KRT75: variants seen among roughly 807,000 people sequenced by gnomAD.
KRT75 encodes the protein keratin 75.
Under a neutral mutation model 48.8 loss-of-function variants are expected in KRT75, and 35 were observed. The ratio of observed to expected loss-of-function variants is 0.72; its 90% confidence interval spans 0.55 to 0.95. KRT75 has a LOEUF of 0.95. Ranked by LOEUF, KRT75 falls within the 40% of genes least tolerant of loss-of-function variation. The probability of loss-of-function intolerance (pLI) is 0.00; values close to 1 mark genes in which losing one functional copy is unlikely to be tolerated. For synonymous variants in KRT75, 301 were observed against 282.3 expected, an observed-to-expected ratio of 1.07 and a Z score of -0.66; for missense variants, 776 against 709.9, an observed-to-expected ratio of 1.09 and a Z score of -1.06.
At chr12:52,431,854 G>A (rs1036685177) in intron 3 of KRT75, 152 bp downstream of exon 3, 21 of 823,222 alleles carry the variant, frequency 2.6e-5, no homozygotes, top group Non-Finnish European at 3.9e-5. Context: ...GGCCATCAAC[G>A]TAGAGGGAAC....
chr12:52,425,107 G>T (rs1349591904), intron 8 of KRT75, among the ~76,000 whole-genome samples: 1 of 149,642 alleles, frequency 6.7e-6, no homozygotes, highest in Non-Finnish European at 1.5e-5. Flanking sequence ...CTTCCTTCTG[G>T]ATGCTTATGG....
At chr12:52,426,720 C>G in intron 8 of KRT75, 97 bp downstream of exon 8, 2 of 1,255,452 alleles carry the variant, frequency 1.6e-6, no homozygotes, top group South Asian at 2.4e-5. Context: ...GAGATCCCGT[C>G]TAACCCGTCA....
intron 7 of KRT75, among the ~76,000 whole-genome samples, 157 bp from the exon 8 acceptor site, chr12:52,427,008 T>G (rs1592162307): frequency 6.6e-6 from 1 of 152,262 alleles, no homozygotes; most frequent in Non-Finnish European, 1.5e-5. Flanking sequence ...TGAGAACTAG[T>G]AGTATTAAAG....
chr12:52,424,493 G>A lies in KRT75; in HGVS notation c.*24C>T, dbSNP rs1450122838. On this transcript the variant is annotated 3_prime_UTR_variant, in exon 9 of 9. Transcript: ENST00000252245. ...TGACTGCAAACAGGCCTCAAGGCAG[G>A]GTAGAGGGAGCCATGGGGCTCTCTT... The A allele has an allele frequency of 1.9e-5, 31 of 1,599,040 alleles. No individual in the cohort carries two copies. The highest frequency in any genetic ancestry group is 2.5e-5 in the Non-Finnish European group (29 of 1,166,296).
In KRT75 at chr12:52,432,194, G is replaced by T. The variant is rs1940154350; in HGVS notation, c.714-128C>A. On this transcript the variant is annotated intron_variant, in intron 2 of 8. Transcript: ENST00000252245. ...TTCTGCTGACCTGGGCATGACTTTG[G>T]GTGATTCATTTAACCTCTATTTCTC... The T allele has an allele frequency of 4.8e-6, 4 of 838,920 alleles. No individual in the cohort carries two copies. In the Admixed American group the frequency reaches 8.4e-5, roughly 18 times the overall value. 52.0% of individuals were successfully genotyped at this position (838,920 alleles called of 1,614,324 possible). A position where few individuals can be genotyped will look rare whatever the true frequency, so the allele number is the denominator to read the frequency against.
At chr12:52,433,452 G>C (rs1351061311) in intron 1 of KRT75, among the ~76,000 whole-genome samples, 200 bp from the exon 2 acceptor site, 1 of 147,390 alleles carries the variant, frequency 6.8e-6, no homozygotes, top group African/African-American at 2.7e-5. Context: ...GGATTCGGGT[G>C]GTGGGGCCTA....
intron 2 of KRT75, among the ~76,000 whole-genome samples, chr12:52,432,429 G>A (rs887814215): frequency 6.6e-6 from 1 of 152,142 alleles, no homozygotes; most frequent in African/African-American, 2.4e-5. Context: ...GGCTGTTTCG[G>A]GTAGATTTTG....
At chr12:52,432,186 T>C in intron 2 of KRT75, 120 bp from the exon 3 acceptor site, 1 of 870,948 alleles carries the variant, frequency 1.1e-6, no homozygotes, top group Non-Finnish European at 1.9e-6. Flanking sequence ...GACCTGGGCA[T>C]GACTTTGGGT....
chr12:52,432,011 T>G lies in KRT75; in HGVS notation c.769A>C (p.Lys257Gln), dbSNP rs1220037618. 6.2e-7 allele frequency: 1 copy of G among 1,614,202 alleles called. No individual in the cohort carries two copies. Among genetic ancestry groups the G allele is most frequent in the African/African-American group, 1.3e-5 (1 of 75,060 alleles). Residue 257 changes from lysine to glutamine, a missense_variant, in exon 3 of 9, where the codon AAA becomes CAA. By Grantham distance (53) the Lys-to-Gln change is moderately conservative (BLOSUM62 1). Transcript: ENST00000252245. ...TAAENEFVAL[K>Q]KDVDAAYMNK... ...AGAGAAACATCCCCACTCACCTTTT[T>G]CAGGGCTACAAATTCATTCTCAGCA... is the stretch of plus-strand genomic sequence containing the variant.
In KRT75 at chr12:52,433,099, T is replaced by G. The variant is rs769701121; in HGVS notation, c.652A>C (p.Arg218=). 2 of 1,613,802 alleles carry G rather than the reference T, an allele frequency of 1.2e-6. No individual in the cohort carries two copies. Among genetic ancestry groups the G allele is most frequent in the Non-Finnish European group, 8.5e-7 (1 of 1,179,940 alleles). Residue 218 remains arginine (R), a synonymous_variant, in exon 2 of 9, where the codon AGG becomes CGG. Coordinates refer to ENST00000252245, the MANE Select transcript of KRT75 (RefSeq NM_004693.3). The part of the protein sequence containing the change: ...RRQLESITTE[R]GRLEAELRNM... ...CTCAGTTCAGCTTCAAGCCTGCCCC[T>G]CTCGGTGGTGATGCTTTCCAGCTGC...
intron 8 of KRT75, among the ~76,000 whole-genome samples, chr12:52,426,567 C>A (rs1332549112): frequency 1.3e-5 from 2 of 152,206 alleles, no homozygotes; most frequent in Non-Finnish European, 2.9e-5. Context: ...CCACTCAGAA[C>A]AATGACATCA....
At chr12:52,431,780 G>A in intron 3 of KRT75, 142 bp from the exon 4 acceptor site, 1 of 790,864 alleles carries the variant, frequency 1.3e-6, no homozygotes. Flanking sequence ...TTGGGGATGG[G>A]TAATTACGGA....
chr12:52,433,102 C>A lies in KRT75; in HGVS notation c.649G>T (p.Glu217Ter). ...LRRQLESITT[E>*]RGRLEAELRN... ...AGTTCAGCTTCAAGCCTGCCCCTCT[C>A]GGTGGTGATGCTTTCCAGCTGCCGT... is the stretch of plus-strand genomic sequence containing the variant. The change falls in exon 2 of 9, where the codon GAG (glutamate) becomes TAG (stop). Residue 217 changes from glutamate (E) to a stop codon, truncating the protein, a stop_gained. Transcript: ENST00000252245. LOFTEE classifies it high-confidence loss of function. The A allele has an allele frequency of 6.2e-7, 1 of 1,614,052 alleles. No individual in the cohort carries two copies. The highest frequency in any genetic ancestry group is 8.5e-7 in the Non-Finnish European group (1 of 1,180,018).
chr12:52,433,142 A>G lies in KRT75; in HGVS notation c.609T>C (p.Tyr203=), dbSNP rs751156472. The G allele has an allele frequency of 1.2e-5, 19 of 1,612,526 alleles. No individual in the cohort carries two copies. In the Middle Eastern group the frequency reaches 4.9e-4, roughly 42 times the overall value. ...RQNLEPLFDS[Y]TSELRRQLES... ...CCAGCTGCCGTCGGAGCTCACTGGT[A>G]TAGGAATCAAAGAGGGGCTCTAGGT... The change falls in exon 2 of 9, where the codon TAT becomes TAC. Residue 203 remains tyrosine, a synonymous_variant. Coordinates refer to ENST00000252245, the MANE Select transcript of KRT75 (RefSeq NM_004693.3).
chr12:52,428,617 C>G lies in KRT75; in HGVS notation c.1161+1G>C. The stretch of plus-strand genomic sequence containing the variant: ...AGCTCTTGGCCCTGCCAAATCTTTA[C>G]CTGCTTCTTGACGCTGTCAATCTCA... On this transcript the variant is annotated splice_donor_variant, in intron 6 of 8. Transcript: ENST00000252245. LOFTEE classifies it high-confidence loss of function. The G allele has an allele frequency of 1.2e-6, 2 of 1,614,218 alleles. No homozygotes were observed. Among genetic ancestry groups the G allele is most frequent in the Non-Finnish European group, 1.7e-6 (2 of 1,180,042 alleles).
rs1592163836 is a variant in KRT75, at chr12:52,431,187, A to T, written c.870+356T>A. On this transcript the variant is annotated intron_variant, in intron 4 of 8. Coordinates refer to ENST00000252245, the MANE Select transcript of KRT75 (RefSeq NM_004693.3). Reference sequence around the variant, plus strand: ...CCCCCTGACCAATGAGCTGAGGGACAGCTTGCCTTTTTTTTTTTTTAATAC... The same window carrying T: ...CCCCCTGACCAATGAGCTGAGGGACTGCTTGCCTTTTTTTTTTTTTAATAC... 3.5e-5 allele frequency among the ~76,000 whole-genome samples: 4 copies of T among 114,444 alleles called. No homozygotes were observed. The South Asian group carries it at 8.0e-4, about 23-fold the overall frequency. 75.1% of individuals were successfully genotyped at this position (114,444 alleles called of 152,430 possible).
At chr12:52,430,803 T>A (rs1386264012) in intron 4 of KRT75, 98 bp from the exon 5 acceptor site, 2 of 1,328,898 alleles carry the variant, frequency 1.5e-6, no homozygotes, top group Non-Finnish European at 2.2e-6. Flanking sequence ...CTTTCCTTGG[T>A]ATTCCTGGCA....
chr12:52,431,770 T>A, intron 3 of KRT75, 132 bp from the exon 4 acceptor site: 1 of 820,338 alleles, frequency 1.2e-6, no homozygotes, highest in South Asian at 1.5e-5. Flanking sequence ...TGATTTGGGG[T>A]TGGGGATGGG....
rs1403423484 is a variant in KRT75, at chr12:52,431,645, T to A, written c.775-7A>T. 1 of 1,604,176 alleles carries A rather than the reference T, an allele frequency of 6.2e-7. No individual in the cohort carries two copies. Among genetic ancestry groups the A allele is most frequent in the Admixed American group, 1.7e-5 (1 of 60,016 alleles). ...TATAGGCAGCATCTACGTCCTGGAA[T>A]GACAGCGCAGGATGCTCCTTTGAGT... is the stretch of plus-strand genomic sequence containing the variant. On this transcript the variant is annotated splice_region_variant and splice_polypyrimidine_tract_variant and intron_variant, in intron 3 of 8. Coordinates refer to ENST00000252245, the MANE Select transcript of KRT75 (RefSeq NM_004693.3).
Sources: gnomAD v4.1 joint callset for allele counts (sites outside exome capture counted in the v4.1 genomes callset) on GRCh38, gnomAD v4.1.1 for gene constraint, MANE v1.5 for transcripts, NCBI Gene and HGNC (gene_info 2026-07-23, HGNC 2026-07-21) for gene names.